Variants in SGCD observed in about 807,000 individuals in gnomAD.
SGCD encodes the protein delta-sarcoglycan.
A neutral mutation model predicts 36.6 loss-of-function variants in SGCD; 18 were observed. The observed-to-expected ratio is 0.49, with a 90% confidence interval of 0.34 to 0.73. The LOEUF is 0.73. Among genes scored for constraint, SGCD ranks in the 30% least tolerant of loss-of-function variants. The pLI is 0.01. For missense variants in SGCD, 387 were observed against 346.7 expected (o/e 1.12, Z -0.92); for synonymous variants, 133 against 130.6 (o/e 1.02, Z -0.12).
chr5:156,126,648 C>G (rs551185135), intron 3 of SGCD, among the ~76,000 whole-genome samples: 1 of 152,300 alleles, frequency 6.6e-6, no homozygotes, highest in Admixed American at 6.5e-5. Flanking sequence ...CTAATGCTTC[C>G]TGGCTCCTGT....
At chr5:156,653,537 G>A (rs111884528) in intron 7 of SGCD, among the ~76,000 whole-genome samples, 4,158 of 89,850 alleles carry the variant, frequency 0.046, 272 homozygotes, top group African/African-American at 0.15. Context: ...GTGGTAGCCC[G>A]GACTGAGTCA....
chr5:156,286,186 G>A (rs1297983208), intron 3 of SGCD, among the ~76,000 whole-genome samples: 4 of 152,198 alleles, frequency 2.6e-5, no homozygotes, highest in African/African-American at 9.6e-5. Flanking sequence ...AGGTGCTAGA[G>A]AGGATGTGGA....
chr5:156,560,450 A>G (rs1198231040), intron 4 of SGCD, among the ~76,000 whole-genome samples: 1 of 152,218 alleles, frequency 6.6e-6, no homozygotes, highest in Non-Finnish European at 1.5e-5. Flanking sequence ...ACACCCAGAA[A>G]TTCGGCTAAG....
chr5:156,637,259 C>A (rs574292155), intron 6 of SGCD, among the ~76,000 whole-genome samples: 22 of 152,226 alleles, frequency 1.4e-4, no homozygotes, highest in Non-Finnish European at 3.1e-4. Context: ...AGTCCTCCCC[C>A]AAGCCATGCT....
intron 3 of SGCD, among the ~76,000 whole-genome samples, chr5:156,137,027 G>A (rs914037960): frequency 1.3e-5 from 2 of 152,262 alleles, no homozygotes; most frequent in Admixed American, 6.5e-5. Flanking sequence ...GTTGAATGTT[G>A]GCCTGTGGTA....
chr5:155,945,095 G>T (rs1757411523), intron 1 of SGCD, among the ~76,000 whole-genome samples: 1 of 152,118 alleles, frequency 6.6e-6, no homozygotes. Context: ...ATTTCCACTT[G>T]TTTTCAAGAA....
At chr5:156,043,858 G>A (rs1318371046) in intron 1 of SGCD, among the ~76,000 whole-genome samples, 1 of 152,038 alleles carries the variant, frequency 6.6e-6, no homozygotes, top group Non-Finnish European at 1.5e-5. Flanking sequence ...CCACAGTTTT[G>A]GACCAAGAGA....
chr5:156,631,835 C>A (rs769970164), intron 6 of SGCD, among the ~76,000 whole-genome samples: 2 of 152,044 alleles, frequency 1.3e-5, no homozygotes, highest in African/African-American at 2.4e-5. Flanking sequence ...AAATGGACTT[C>A]TTTGTGAGCT....
chr5:156,562,274 C>T (rs376709273), intron 4 of SGCD, among the ~76,000 whole-genome samples: 5 of 151,966 alleles, frequency 3.3e-5, no homozygotes, highest in East Asian at 1.9e-4. Flanking sequence ...ATGAAGGGCC[C>T]GGGTGAGTTT....
intron 3 of SGCD, among the ~76,000 whole-genome samples, chr5:156,198,088 G>C (rs1764062921): frequency 6.6e-6 from 1 of 151,968 alleles, no homozygotes; most frequent in African/African-American, 2.4e-5. Flanking sequence ...AATTCAGTTA[G>C]ATATTTCTAA....
intron 3 of SGCD, among the ~76,000 whole-genome samples, chr5:156,173,213 T>G (rs1216049053): frequency 6.6e-6 from 1 of 152,170 alleles, no homozygotes; most frequent in African/African-American, 2.4e-5. Context: ...TAAATATTGC[T>G]TGATTATGAC....
At chr5:156,547,239 C>G (rs577597326) in intron 4 of SGCD, among the ~76,000 whole-genome samples, 69 of 152,156 alleles carry the variant, frequency 4.5e-4, no homozygotes, top group Admixed American at 1.1e-3. Context: ...GGGTGTTTAG[C>G]AGCATTCATA....
intron 3 of SGCD, among the ~76,000 whole-genome samples, chr5:156,427,487 G>A (rs1164199387): frequency 6.6e-6 from 1 of 151,974 alleles, no homozygotes; most frequent in Non-Finnish European, 1.5e-5. Flanking sequence ...GGTGAACAGC[G>A]ACAGTTTTAC....
chr5:156,211,248 C>CTTTCTT (rs1764433422), intron 3 of SGCD, among the ~76,000 whole-genome samples: 1 of 151,986 alleles, frequency 6.6e-6, no homozygotes, highest in Non-Finnish European at 1.5e-5. Flanking sequence ...CTTTCCCAGA[C>CTTTCTT]AAACAAAAGC....
At chr5:156,401,577 G>A (rs946165906) in intron 3 of SGCD, among the ~76,000 whole-genome samples, 29 of 152,294 alleles carry the variant, frequency 1.9e-4, no homozygotes, top group African/African-American at 7.0e-4. Flanking sequence ...ACAGGTGGTA[G>A]CATTTTACAA....
At chr5:156,247,072 G>A (rs375198985) in intron 3 of SGCD, among the ~76,000 whole-genome samples, 1 of 152,194 alleles carries the variant, frequency 6.6e-6, no homozygotes, top group East Asian at 1.9e-4. Context: ...AATAGGAAGT[G>A]ATAATGAAGA....
intron 1 of SGCD, among the ~76,000 whole-genome samples, chr5:155,932,300 T>G (rs1757114350): frequency 6.6e-6 from 1 of 152,206 alleles, no homozygotes; most frequent in African/African-American, 2.4e-5. Flanking sequence ...TAGACTTTCT[T>G]CCTGAATTGT....
At chr5:156,544,696 A>G (rs1177842171) in intron 4 of SGCD, among the ~76,000 whole-genome samples, 3 of 152,182 alleles carry the variant, frequency 2.0e-5, no homozygotes, top group Non-Finnish European at 4.4e-5. Flanking sequence ...GGCAAGAGGT[A>G]ACAGTGATGT....
At chr5:156,100,075 T>C (rs1038846846) in intron 1 of SGCD, among the ~76,000 whole-genome samples, 2 of 152,252 alleles carry the variant, frequency 1.3e-5, no homozygotes, top group South Asian at 4.1e-4. Flanking sequence ...GGCAGAACAG[T>C]CTTCAAATGA....
Sources: gnomAD v4.1 joint callset for allele counts (sites outside exome capture counted in the v4.1 genomes callset) on GRCh38, gnomAD v4.1.1 for gene constraint, MANE v1.5 for transcripts, NCBI Gene and HGNC (gene_info 2026-07-23, HGNC 2026-07-21) for gene names.